The following PDGFA variants were observed in gnomAD, a reference collection of about 807,000 sequenced individuals.
PDGFA encodes the protein platelet-derived growth factor subunit A.
In PDGFA, 9 loss-of-function variants were observed where a neutral mutation model predicts 25.6. The observed-to-expected ratio is 0.35, with a 90% CI of 0.21 to 0.61. PDGFA has a LOEUF of 0.61. Among genes scored for constraint, PDGFA ranks in the 20% least tolerant of loss-of-function variants. The pLI is 0.75. For synonymous variants in PDGFA, 133 were observed against 111.8 expected, an observed-to-expected ratio of 1.19 and a Z score of -1.20; for missense variants, 242 against 272.8, an observed-to-expected ratio of 0.89 and a Z score of 0.79.
chr7:499,828 G>C (rs905837309), intron 5 of PDGFA, among the ~76,000 whole-genome samples: 1 of 150,646 alleles, frequency 6.6e-6, no homozygotes, highest in African/African-American at 2.4e-5. Context: ...GATGCCACTA[G>C]CCAGACAGAA....
chr7:504,711 C>A (rs973652240), intron 4 of PDGFA, among the ~76,000 whole-genome samples: 6 of 152,248 alleles, frequency 3.9e-5, no homozygotes, highest in South Asian at 4.1e-4. Flanking sequence ...GTTCTGCTCC[C>A]GGCCCTGACC....
intron 2 of PDGFA, chr7:513,524 C>CG (rs1782959281): frequency 6.6e-6 from 1 of 152,066 alleles, no homozygotes; most frequent in African/African-American, 2.4e-5. Context: ...TCCTGCCCCC[C>CG]CCACCATATA....
chr7:516,042 C>CCCG (rs1783078379), intron 2 of PDGFA, among the ~76,000 whole-genome samples: 1 of 54,334 alleles, frequency 1.8e-5, no homozygotes, highest in African/African-American at 6.8e-5. Flanking sequence ...AGGAAGCAGC[C>CCCG]CCCCCCCCCC....
rs191344129 is a variant in PDGFA, at chr7:505,960, G to C, written c.454-4718C>G. 3.4e-3 allele frequency among the ~76,000 whole-genome samples: 522 copies of C among 152,194 alleles called. 9 individuals are homozygous for C. Among genetic ancestry groups the C allele is most frequent in the African/African-American group, 0.012 (506 of 41,522 alleles). The stretch of plus-strand genomic sequence containing the variant: ...AGGTCGAGGCGGGCAGATCACCTGA[G>C]GTCAGGAGTTCAAGACCAGCCTGAC... On this transcript the variant is annotated intron_variant, in intron 4 of 5. Transcript: ENST00000402802.
exon 3 of PDGFA, chr7:512,394 C>G (rs772365428): frequency 6.2e-7 from 1 of 1,613,778 alleles, no homozygotes; most frequent in Non-Finnish European, 8.5e-7. Context: ...GCTTCTCGGG[C>G]ACATGCTTAG....
At chr7:518,078 G>T (rs921596009) in intron 1 of PDGFA, among the ~76,000 whole-genome samples, 10 of 152,034 alleles carry the variant, frequency 6.6e-5, no homozygotes, top group Non-Finnish European at 1.2e-4. Context: ...CGGCCCAGCC[G>T]CGGCCCTAGC....
chr7:510,325 C>A (rs1026182439), intron 4 of PDGFA, among the ~76,000 whole-genome samples: 10 of 151,974 alleles, frequency 6.6e-5, no homozygotes, highest in African/African-American at 2.4e-4. Context: ...CAGCCGTGCA[C>A]CCCCACCAGC....
At chr7:512,673 G>A (rs561462363) in intron 2 of PDGFA, 419 of 1,486,240 alleles carry the variant, frequency 2.8e-4, no homozygotes, top group Non-Finnish European at 3.7e-4. Flanking sequence ...ACTGGAAACC[G>A]CAGAAAACGC....
chr7:515,765 G>GT (rs75013327), intron 2 of PDGFA, among the ~76,000 whole-genome samples: 72,968 of 151,724 alleles, frequency 0.48, 17,769 homozygotes, highest in Admixed American at 0.53. Context: ...GGGCATCCTT[G>GT]TTTTTTTCTG....
chr7:499,217 C>T (rs1315204558), intron 5 of PDGFA, among the ~76,000 whole-genome samples: 1 of 152,224 alleles, frequency 6.6e-6, no homozygotes, highest in Non-Finnish European at 1.5e-5. Flanking sequence ...CAGGCAGGCA[C>T]AAAACCACCC....
exon 6 of PDGFA, chr7:497,400 G>C (rs1203012014): frequency 6.6e-6 from 1 of 152,086 alleles, no homozygotes; most frequent in South Asian, 2.1e-4. Context: ...ACACATTTCT[G>C]TTAATACAGG....
In PDGFA at chr7:500,310, G is replaced by C; in HGVS notation, c.580+806C>G. ...ACCCAAGCCCAGCAGACACCATCAA[G>C]GCCAATCAGGGCCACATCCCCGCCG... On this transcript the variant is annotated intron_variant, in intron 5 of 5. Transcript: ENST00000402802. This position sits in a 1 kb window ranked among gnomAD's most constrained non-coding sequence, Gnocchi z 5.0. The C allele has an allele frequency of 9.3e-7, 1 of 1,073,248 alleles. No homozygotes were observed. 66.5% of individuals were successfully genotyped at this position (1,073,248 alleles called of 1,614,324 possible). A position where few individuals can be genotyped will look rare whatever the true frequency, so the allele number is the denominator to read the frequency against.
At chr7:519,394 A>G (rs971955549) in exon 1 of PDGFA, 43 of 184,358 alleles carry the variant, frequency 2.3e-4, no homozygotes, top group African/African-American at 8.1e-4. Flanking sequence ...ATATTTGCGG[A>G]CATCAGCCCC....
At position 517,552 on chromosome 7, in the gene PDGFA, G is replaced by C. The variant is rs1783166458; in HGVS notation, c.64-62C>G. Reference sequence around the variant, plus strand: ...CCGACCCCGCCGGCACGCGCCCCCGGCCGCCAGGAGCGCCGCCGCCCCGGG... The same window carrying C: ...CCGACCCCGCCGGCACGCGCCCCCGCCCGCCAGGAGCGCCGCCGCCCCGGG... On this transcript the variant is annotated intron_variant, in intron 1 of 5. Transcript: ENST00000402802. The surrounding 1 kb of genome is among the most constrained non-coding windows in gnomAD (Gnocchi z 7.4). 3 of 689,648 alleles carry C rather than the reference G, an allele frequency of 4.4e-6. No individual in the cohort carries two copies. In the African/African-American group the frequency reaches 5.9e-5, roughly 14 times the overall value. 42.7% of individuals were successfully genotyped at this position (689,648 alleles called of 1,614,324 possible). A position where few individuals can be genotyped will look rare whatever the true frequency, so the allele number is the denominator to read the frequency against.
intron 2 of PDGFA, among the ~76,000 whole-genome samples, chr7:514,644 CCCAA>C (rs1783006710): frequency 6.6e-6 from 1 of 152,212 alleles, no homozygotes; most frequent in Non-Finnish European, 1.5e-5. Context: ...GGGAGAATCT[CCCAA>C]CCATCAGTCC....
At chr7:520,257 C>A (rs559675670), upstream of PDGFA, 2 of 197,372 alleles carry the variant, frequency 1.0e-5, no homozygotes, top group African/African-American at 4.8e-5. Context: ...CAAAAAGGGC[C>A]AGAGAGCCGG....
chr7:509,849 A>G (rs1326541721), intron 4 of PDGFA, among the ~76,000 whole-genome samples: 5 of 152,142 alleles, frequency 3.3e-5, no homozygotes, highest in African/African-American at 1.2e-4. Flanking sequence ...CAGCCTGAAG[A>G]AGGCAGGCAC....
exon 1 of PDGFA, chr7:519,020 C>T (rs779319977): frequency 2.6e-6 from 4 of 1,524,520 alleles, no homozygotes; most frequent in Non-Finnish European, 3.5e-6. Context: ...GAGGCGCTGG[C>T]TGCTCGGAGG....
Position 500,472 on chromosome 7 carries a change from C to G in PDGFA, c.580+644G>C. 1 of 1,614,060 alleles carries G rather than the reference C, an allele frequency of 6.2e-7. No individual in the cohort carries two copies. The highest frequency in any genetic ancestry group is 1.1e-5 in the South Asian group (1 of 91,082). Reference sequence around the variant, plus strand: ...GGTGGGTTTTAACCTTTTTCTTTTCCGTTTTTTACCTGACTCCCTAGGCCT... The same window carrying G: ...GGTGGGTTTTAACCTTTTTCTTTTCGGTTTTTTACCTGACTCCCTAGGCCT... On this transcript the variant is annotated intron_variant, in intron 5 of 5. Transcript: ENST00000402802. This position sits in a 1 kb window ranked among gnomAD's most constrained non-coding sequence, Gnocchi z 5.0.
Sources: gnomAD v4.1 joint callset for allele counts (sites outside exome capture counted in the v4.1 genomes callset) on GRCh38, gnomAD v4.1.1 for gene constraint, Gnocchi (gnomAD v3.1) non-coding constraint, MANE v1.5 for transcripts, NCBI Gene and HGNC (gene_info 2026-07-23, HGNC 2026-07-21) for gene names.